Variants in KDM2A observed in about 807,000 individuals in gnomAD.
The protein encoded by KDM2A is lysine demethylase 2A.
Under a neutral mutation model 137.3 loss-of-function variants are expected in KDM2A, and 3 were observed. That is an observed-to-expected ratio of 0.02 (90% confidence interval 0.01 to 0.06). The LOEUF (loss-of-function observed/expected upper bound fraction) is 0.06. KDM2A is among the 10% of genes least tolerant of loss of function. KDM2A has a pLI of 1.00. For synonymous variants in KDM2A, 512 were observed against 541.5 expected (o/e 0.95, Z 0.76); for missense variants, 738 against 1,510.6 (o/e 0.49, Z 8.48).
chr11:67,218,184 G>A (rs867221928), intron 9 of KDM2A, among the ~76,000 whole-genome samples: 2 of 152,200 alleles, frequency 1.3e-5, no homozygotes, highest in Non-Finnish European at 2.9e-5. Flanking sequence ...TGTTCTGCAG[G>A]TGATACACAA....
At position 67,256,409 on chromosome 11, in the gene KDM2A, G is replaced by A. The variant is rs182595898; in HGVS notation, c.*1354G>A. On this transcript the variant is annotated 3_prime_UTR_variant, in exon 21 of 21. Transcript: ENST00000529006. ...TTCTTTTGGGTCAATATTTTTAAGT[G>A]TGTGAGGAGATGCTCAGTAGCAGCA... The A allele has an allele frequency of 1.3e-5, 2 of 152,690 alleles. No individual in the cohort carries two copies. The highest frequency in any genetic ancestry group is 2.1e-4 in the South Asian group (1 of 4,818). 9.5% of individuals were successfully genotyped at this position (152,690 alleles called of 1,614,324 possible).
At chr11:67,187,893 C>G (rs1263668835) in intron 5 of KDM2A, among the ~76,000 whole-genome samples, 1 of 151,998 alleles carries the variant, frequency 6.6e-6, no homozygotes, top group Admixed American at 6.6e-5. Context: ...GACCTTAAAT[C>G]AAAGAATGGT....
At position 67,232,039 on chromosome 11, in the gene KDM2A, A is replaced by G. The variant is rs1858733951; in HGVS notation, c.1479+79A>G. 3.2e-5 allele frequency: 46 copies of G among 1,424,292 alleles called. No homozygotes were observed. The South Asian group carries it at 5.9e-4, about 18-fold the overall frequency. 88.2% of individuals were successfully genotyped at this position (1,424,292 alleles called of 1,614,324 possible). ...TTCCAGATTCAGAGGGAGAAAATAT[A>G]GGAATTTTGGGTGATCTCTGGTTCA... On this transcript the variant is annotated intron_variant, in intron 12 of 20. Transcript: ENST00000529006.
chr11:67,220,895 A>C (rs1208531045), intron 10 of KDM2A, among the ~76,000 whole-genome samples: 1 of 152,188 alleles, frequency 6.6e-6, no homozygotes, highest in East Asian at 1.9e-4. Flanking sequence ...ACCATTAAAA[A>C]ATGTAAAAAA....
chr11:67,120,557 T>C (rs1855576421), intron 1 of KDM2A, among the ~76,000 whole-genome samples: 1 of 152,218 alleles, frequency 6.6e-6, no homozygotes, highest in African/African-American at 2.4e-5. Context: ...TGCAATCGTT[T>C]ATTTTATTAC....
In KDM2A at chr11:67,250,367, T is replaced by A; in HGVS notation, c.2337T>A (p.Asn779Lys). 1 of 1,613,758 alleles carries A rather than the reference T, an allele frequency of 6.2e-7. No individual in the cohort carries two copies. The highest frequency in any genetic ancestry group is 8.5e-7 in the Non-Finnish European group (1 of 1,179,832). Residue 779 changes from asparagine to lysine, a missense_variant, in exon 17 of 21, where the codon AAT (asparagine) becomes AAA (lysine). Asn to Lys is a moderately conservative substitution (Grantham distance 94, BLOSUM62 0). Transcript: ENST00000529006. The surrounding 1 kb of genome is among the most constrained non-coding windows in gnomAD (Gnocchi z 7.1). ...CCATGGTACGGGAAAAGGAGAACAA[T>A]CCCAGCGGCAAAAAGGAGCTGTCTG... is the stretch of plus-strand genomic sequence containing the variant. ...ERTMVREKEN[N>K]PSGKKELSEV... is the part of the protein sequence containing the mutation.
At chr11:67,181,772 C>G in intron 4 of KDM2A, 74 bp from the exon 5 acceptor site, 2 of 1,295,462 alleles carry the variant, frequency 1.5e-6, no homozygotes, top group African/African-American at 1.5e-5. Context: ...GTACTCAGTA[C>G]TTTAAGAAAA....
At chr11:67,201,408 A>G (rs1590777761) in intron 5 of KDM2A, among the ~76,000 whole-genome samples, 1 of 151,952 alleles carries the variant, frequency 6.6e-6, no homozygotes, top group Non-Finnish European at 1.5e-5. Flanking sequence ...TGATAGGCCC[A>G]GGTGGTGGAT....
intron 2 of KDM2A, among the ~76,000 whole-genome samples, chr11:67,149,452 C>T (rs563399874): frequency 1.8e-4 from 27 of 152,158 alleles, no homozygotes; most frequent in African/African-American, 6.3e-4. Context: ...GCCAGTTTTA[C>T]GCCTTTTAAA....
intron 6 of KDM2A, among the ~76,000 whole-genome samples, chr11:67,214,811 T>C (rs1351574821): frequency 6.6e-6 from 1 of 152,170 alleles, no homozygotes; most frequent in Non-Finnish European, 1.5e-5. Flanking sequence ...CCTTATATAG[T>C]CTTGAAAAGA....
chr11:67,200,316 C>T (rs1271191546), intron 5 of KDM2A, among the ~76,000 whole-genome samples: 4 of 151,962 alleles, frequency 2.6e-5, no homozygotes, highest in African/African-American at 7.2e-5. Flanking sequence ...CCTGGGTTCA[C>T]GCCATTCTCC....
intron 6 of KDM2A, among the ~76,000 whole-genome samples, chr11:67,207,916 A>G (rs1208550328): frequency 2.0e-5 from 3 of 152,062 alleles, no homozygotes; most frequent in Admixed American, 2.0e-4. Flanking sequence ...CTGTAGTTCC[A>G]GCTACTCAAG....
At chr11:67,199,715 G>C (rs959163740) in intron 5 of KDM2A, among the ~76,000 whole-genome samples, 6 of 152,212 alleles carry the variant, frequency 3.9e-5, no homozygotes, top group Non-Finnish European at 7.3e-5. Context: ...GCAAGGTAAA[G>C]CAGCAGCACA....
chr11:67,250,634 C>G lies in KDM2A; in HGVS notation c.2604C>G (p.Asp868Glu). 6.2e-7 allele frequency: 1 copy of G among 1,612,144 alleles called. No individual in the cohort carries two copies. Among genetic ancestry groups the G allele is most frequent in the Non-Finnish European group, 8.5e-7 (1 of 1,178,836 alleles). ...AGGAGGAGGAGGAGGAGGAAGATGA[C>G]AGTGCAGAGGAGGGGGGTGCAGCCA... Reference protein sequence around the residue: ...EEEEEEEEEDDSAEEGGAARL... With the variant: ...EEEEEEEEEDESAEEGGAARL... Residue 868 changes from aspartate to glutamate, a missense_variant, in exon 17 of 21, where the codon GAC (aspartate) becomes GAG (glutamate). By Grantham distance (45) the Asp-to-Glu change is conservative (BLOSUM62 2). Around this residue, in one of 9 missense-constraint regions of KDM2A, gnomAD observed 244 missense variants for 324.6 expected, o/e 0.75. Transcript: ENST00000529006. The surrounding 1 kb of genome is among the most constrained non-coding windows in gnomAD (Gnocchi z 7.1).
chr11:67,231,683 A>G lies in KDM2A; in HGVS notation c.1202A>G (p.Asn401Ser). 6.2e-7 allele frequency: 1 copy of G among 1,613,976 alleles called. No individual in the cohort carries two copies. The highest frequency in any genetic ancestry group is 8.5e-7 in the Non-Finnish European group (1 of 1,179,870). ...ACTAGCCCTGTAGCGAATGGAGTCAACCTGGATTATGATGGACTGGGCAAA... is the reference window on the plus strand; with the variant it reads ...ACTAGCCCTGTAGCGAATGGAGTCAGCCTGGATTATGATGGACTGGGCAAA... ...VLTSPVANGV[N>S]LDYDGLGKTC... The change falls in exon 12 of 21, where the codon AAC becomes AGC. Residue 401 changes from asparagine (N) to serine (S), a missense_variant. Physicochemically the swap from Asn to Ser is conservative, Grantham distance 46. Around this residue, in one of 9 missense-constraint regions of KDM2A, gnomAD observed 113 missense variants for 133.5 expected, o/e 0.85. Transcript: ENST00000529006.
In KDM2A at chr11:67,134,256, G is replaced by A. The variant is rs139784487; in HGVS notation, c.42+12898G>A. ...GATTTTGCCCCCAAGGAAACATTTA[G>A]CAGTGGACATTTCTGATGGTCAGAC... is the stretch of plus-strand genomic sequence containing the variant. On this transcript the variant is annotated intron_variant, in intron 2 of 20. Coordinates refer to ENST00000529006, the MANE Select transcript of KDM2A (RefSeq NM_012308.3). 3.4e-3 allele frequency among the ~76,000 whole-genome samples: 516 copies of A among 152,284 alleles called. 4 individuals are homozygous for A. Among genetic ancestry groups the A allele is most frequent in the East Asian group, 6.6e-3 (34 of 5,186 alleles).
chr11:67,239,642 A>G (rs1376610145), intron 12 of KDM2A, among the ~76,000 whole-genome samples: 3 of 152,088 alleles, frequency 2.0e-5, no homozygotes, highest in Non-Finnish European at 4.4e-5. Flanking sequence ...CTGAGAGGGG[A>G]GAGAGAAGTG....
chr11:67,162,247 C>A (rs1406077516), intron 2 of KDM2A, among the ~76,000 whole-genome samples: 1 of 151,912 alleles, frequency 6.6e-6, no homozygotes, highest in East Asian at 1.9e-4. Context: ...TTCTTACATC[C>A]CAATAATACA....
chr11:67,169,989 C>T (rs1305107028), intron 2 of KDM2A, among the ~76,000 whole-genome samples: 1 of 151,998 alleles, frequency 6.6e-6, no homozygotes, highest in Non-Finnish European at 1.5e-5. Context: ...AACTCCTGAC[C>T]TCGTGATTTG....
Sources: allele counts gnomAD v4.1 joint callset (sites outside exome capture counted in the v4.1 genomes callset), GRCh38; gene constraint gnomAD v4.1.1; regional missense constraint gnomAD v4.1.1; non-coding constraint Gnocchi (gnomAD v3.1); transcripts MANE v1.5; gene names NCBI Gene and HGNC (gene_info 2026-07-23, HGNC 2026-07-21).